The following DNAH12 variants were observed in gnomAD, a reference collection of about 807,000 sequenced individuals.
DNAH12 encodes the protein dynein axonemal heavy chain 12.
Under a neutral mutation model 371.5 loss-of-function variants are expected in DNAH12, and 285 were observed. The observed-to-expected ratio is 0.77, with a 90% CI of 0.70 to 0.85. DNAH12 has a LOEUF of 0.85. Among genes scored for constraint, DNAH12 ranks in the 40% least tolerant of loss-of-function variants. The pLI is 0.00. For missense variants in DNAH12, 3,611 were observed against 3,689.4 expected, an observed-to-expected ratio of 0.98 and a Z score of 0.55; for synonymous variants, 1,200 against 1,213.0, an observed-to-expected ratio of 0.99 and a Z score of 0.22.
chr3:57,298,205 C>G (rs1286845098), intron 70 of DNAH12, among the ~76,000 whole-genome samples: 1 of 152,204 alleles, frequency 6.6e-6, no homozygotes, highest in African/African-American at 2.4e-5. Flanking sequence ...GCAGGGTAGG[C>G]TGGTGACTCA....
intron 62 of DNAH12, among the ~76,000 whole-genome samples, chr3:57,331,877 T>C (rs2062106574): frequency 6.6e-6 from 1 of 152,104 alleles, no homozygotes; most frequent in South Asian, 2.1e-4. Context: ...TCGCCCTCCA[T>C]ATCTGATCAA....
chr3:57,367,092 C>T (rs1317074194), intron 56 of DNAH12, among the ~76,000 whole-genome samples, 171 bp from the exon 57 acceptor site: 1 of 152,120 alleles, frequency 6.6e-6, no homozygotes, highest in Non-Finnish European at 1.5e-5. Context: ...CTTTGGGAGG[C>T]CAAGGCAAGT....
intron 60 of DNAH12, 123 bp downstream of exon 60, chr3:57,351,962 A>G (rs1553660496): frequency 3.0e-6 from 3 of 1,000,118 alleles, no homozygotes; most frequent in South Asian, 2.2e-5. Context: ...AGTGAAATGC[A>G]CAAGTAAAAT....
chr3:57,487,480 T>G (rs1349298265), intron 12 of DNAH12, among the ~76,000 whole-genome samples: 1 of 152,054 alleles, frequency 6.6e-6, no homozygotes, highest in African/African-American at 2.4e-5. Context: ...ATAATCCTCC[T>G]GGGGATCATC....
chr3:57,532,001 T>C (rs931178499), intron 2 of DNAH12, among the ~76,000 whole-genome samples: 9 of 152,126 alleles, frequency 5.9e-5, no homozygotes, highest in African/African-American at 1.9e-4. Flanking sequence ...TTTCTAGATC[T>C]TGTAGGCATG....
At chr3:57,428,477 G>C in intron 34 of DNAH12, 156 bp downstream of exon 34, 1 of 1,534,540 alleles carries the variant, frequency 6.5e-7, no homozygotes, top group Non-Finnish European at 8.8e-7. Context: ...GAGTTATGCA[G>C]CTATAACTTA....
intron 69 of DNAH12, among the ~76,000 whole-genome samples, chr3:57,304,565 C>T (rs780472914): frequency 6.6e-6 from 1 of 152,044 alleles, no homozygotes; most frequent in Admixed American, 6.5e-5. Flanking sequence ...GCATTTTATC[C>T]GTGAACCCAA....
intron 37 of DNAH12, among the ~76,000 whole-genome samples, chr3:57,415,915 A>T (rs2064361363): frequency 6.6e-6 from 1 of 151,556 alleles, no homozygotes; most frequent in South Asian, 2.1e-4. Flanking sequence ...CAGCCTCCCA[A>T]GTAGCTGGGA....
chr3:57,320,683 A>C (rs530520693), intron 65 of DNAH12, among the ~76,000 whole-genome samples: 1 of 152,314 alleles, frequency 6.6e-6, no homozygotes, highest in South Asian at 2.1e-4. Flanking sequence ...AGCCACATCA[A>C]CATCACCAGG....
chr3:57,335,045 C>T (rs758019181), intron 60 of DNAH12, 105 bp from the exon 61 acceptor site: 1 of 1,200,234 alleles, frequency 8.3e-7, no homozygotes, highest in East Asian at 2.6e-5. Context: ...ACTGTACTTA[C>T]CCACCTGCTG....
chr3:57,537,428 A>C (rs1443838306), intron 2 of DNAH12, among the ~76,000 whole-genome samples: 1 of 152,100 alleles, frequency 6.6e-6, no homozygotes, highest in Non-Finnish European at 1.5e-5. Flanking sequence ...TCAGCCAAGC[A>C]TTCCCAGGGA....
chr3:57,489,171 C>T (rs541657759), intron 12 of DNAH12, among the ~76,000 whole-genome samples: 1 of 152,018 alleles, frequency 6.6e-6, no homozygotes, highest in Non-Finnish European at 1.5e-5. Context: ...CTCGGTGATA[C>T]AATAAGTAAA....
chr3:57,360,764 G>A (rs1161723600), intron 58 of DNAH12, among the ~76,000 whole-genome samples: 13 of 152,286 alleles, frequency 8.5e-5, no homozygotes, highest in African/African-American at 2.9e-4. Context: ...GTGCAGAGAT[G>A]ATGAGTAATT....
intron 55 of DNAH12, among the ~76,000 whole-genome samples, chr3:57,370,604 T>C (rs1224939894): frequency 6.6e-6 from 1 of 152,242 alleles, no homozygotes; most frequent in Non-Finnish European, 1.5e-5. Flanking sequence ...CACAACAGCA[T>C]GACTGGCTAA....
intron 43 of DNAH12, among the ~76,000 whole-genome samples, chr3:57,396,296 A>AC (rs1445293554): frequency 0.3 from 44,314 of 146,486 alleles, 8,173 homozygotes; most frequent in Non-Finnish European, 0.41. Flanking sequence ...AAAACAAAAA[A>AC]AAAAAAAAAA....
At chr3:57,305,465 G>A (rs541045059) in intron 69 of DNAH12, among the ~76,000 whole-genome samples, 6 of 152,024 alleles carry the variant, frequency 3.9e-5, no homozygotes, top group Admixed American at 6.5e-5. Flanking sequence ...GTTTCATTCC[G>A]CGACTAGCCC....
chr3:57,403,429 A>G lies in DNAH12; in HGVS notation c.6828T>C (p.Gly2276=). 2 of 1,551,558 alleles carry G rather than the reference A, an allele frequency of 1.3e-6. No individual in the cohort carries two copies. The highest frequency in any genetic ancestry group is 1.7e-6 in the Non-Finnish European group (2 of 1,146,888). The change falls in exon 43 of 74, where the codon GGT becomes GGC. Residue 2276 remains glycine (G), a synonymous_variant. Transcript: ENST00000495027. ...AAGATTGACGACCACTTCCTCCAAGACCAACAAGCAAAGCATTTCCACCAG... is the reference window on the plus strand; with the variant it reads ...AAGATTGACGACCACTTCCTCCAAGGCCAACAAGCAAAGCATTTCCACCAG... The part of the protein sequence containing the change: ...KQSGGNALLV[G]LGGSGRQSLT...
chr3:57,377,719 C>T (rs1197807554), intron 52 of DNAH12, among the ~76,000 whole-genome samples: 1 of 152,044 alleles, frequency 6.6e-6, no homozygotes, highest in Non-Finnish European at 1.5e-5. Flanking sequence ...CCTCAATGCT[C>T]AGTTTCACTA....
chr3:57,332,271 C>G (rs1294645084), intron 62 of DNAH12, among the ~76,000 whole-genome samples: 1 of 152,100 alleles, frequency 6.6e-6, no homozygotes, highest in African/African-American at 2.4e-5. Context: ...TGGTGTCAGC[C>G]TACTTATCTT....
Sources: gnomAD v4.1 joint callset for allele counts (sites outside exome capture counted in the v4.1 genomes callset) on GRCh38, gnomAD v4.1.1 for gene constraint, MANE v1.5 for transcripts, NCBI Gene and HGNC (gene_info 2026-07-23, HGNC 2026-07-21) for gene names.